The following NOL4L variants were observed in gnomAD, a reference collection of about 807,000 sequenced individuals.
NOL4L encodes nucleolar protein 4-like.
NOL4L carries 7 observed loss-of-function variants against 64.5 expected under a neutral mutation model. The ratio of observed to expected loss-of-function variants is 0.11; its 90% CI spans 0.06 to 0.20. The LOEUF (loss-of-function observed/expected upper bound fraction) is 0.20. NOL4L is among the 10% of genes least tolerant of loss of function. NOL4L has a pLI of 1.00. For missense variants in NOL4L, 680 were observed against 967.1 expected, an observed-to-expected ratio of 0.70 and a Z score of 3.94; for synonymous variants, 413 against 401.0, an observed-to-expected ratio of 1.03 and a Z score of -0.36.
At position 32,446,856 on chromosome 20, in the gene NOL4L, CTT is replaced by C. The variant is rs1491392168; in HGVS notation, c.*738_*739del. ...TCTGTAGAATGGGGTCGGGGTGCCT[CTT>C]TTGTTTTGCTTTGCCATGGGTGTGG... On this transcript the variant is annotated 3_prime_UTR_variant, in exon 11 of 11. Transcript: ENST00000621426. 8 of 226,126 alleles carry C rather than the reference CTT, an allele frequency of 3.5e-5. No homozygotes were observed. The highest frequency in any genetic ancestry group is 1.4e-4 in the African/African-American group (6 of 42,142). The allele number at this position is 226,126 out of a possible 1,614,324, so 14.0% of individuals were successfully genotyped here. A position where few individuals can be genotyped will look rare whatever the true frequency, so the allele number is the denominator to read the frequency against.
chr20:32,478,802 G>C (rs1006162359), intron 4 of NOL4L, among the ~76,000 whole-genome samples: 1 of 152,174 alleles, frequency 6.6e-6, no homozygotes, highest in African/African-American at 2.4e-5. Flanking sequence ...TATCGCCCAG[G>C]CTGGCCTCGA....
At chr20:32,532,823 G>A (rs1341955406) in intron 1 of NOL4L, among the ~76,000 whole-genome samples, 1 of 152,148 alleles carries the variant, frequency 6.6e-6, no homozygotes, top group Non-Finnish European at 1.5e-5. Flanking sequence ...CACCCCATGG[G>A]AAGAACCACG....
chr20:32,453,872 C>G lies in NOL4L; in HGVS notation c.1120-111G>C. The G allele has an allele frequency of 1.1e-6, 1 of 950,078 alleles. No homozygotes were observed. The highest frequency in any genetic ancestry group is 1.6e-6 in the Non-Finnish European group (1 of 634,252). 58.9% of individuals were successfully genotyped at this position (950,078 alleles called of 1,614,324 possible). ...CCAGGGTGGCACGCATGCCCTGCTG[C>G]CACGAGAGCCATAGCTGCGAGGCCC... On this transcript the variant is annotated intron_variant, in intron 6 of 10. Transcript: ENST00000621426. This position sits in a 1 kb window ranked among gnomAD's most constrained non-coding sequence, Gnocchi z 5.6.
In NOL4L at chr20:32,453,492, A is replaced by T; in HGVS notation, c.1309T>A (p.Phe437Ile). 1 of 1,613,830 alleles carries T rather than the reference A, an allele frequency of 6.2e-7. No homozygotes were observed. Among genetic ancestry groups the T allele is most frequent in the Non-Finnish European group, 8.5e-7 (1 of 1,179,812 alleles). Reference sequence around the variant, plus strand: ...TTCTCGTCCACAAAGAGACGCACAAACATCTGTGGAGACACGGGCCATGGG... The same window carrying T: ...TTCTCGTCCACAAAGAGACGCACAATCATCTGTGGAGACACGGGCCATGGG... ...DPERLKAFNM[F>I]VRLFVDENLD... Residue 437 changes from phenylalanine (F) to isoleucine (I), a missense_variant, in exon 8 of 11, where the codon TTT becomes ATT. This residue lies in a region of NOL4L where 70 missense variants were observed against 166.1 expected (regional missense o/e 0.42). Coordinates refer to ENST00000621426, the MANE Select transcript of NOL4L (RefSeq NM_001256798.2). The surrounding 1 kb of genome is among the most constrained non-coding windows in gnomAD (Gnocchi z 5.6).
chr20:32,451,579 G>T (rs910888), intron 10 of NOL4L: 2 of 152,234 alleles, frequency 1.3e-5, no homozygotes, highest in Admixed American at 6.5e-5. Context: ...GTAGCCTGGG[G>T]AGTTACCGGA....
intron 5 of NOL4L, among the ~76,000 whole-genome samples, chr20:32,461,111 A>G (rs2014000509): frequency 6.6e-6 from 1 of 152,236 alleles, no homozygotes; most frequent in African/African-American, 2.4e-5. Context: ...GGGTTGGTCC[A>G]GCCTGTCCCT....
At chr20:32,539,162 C>T (rs2018610858) in intron 1 of NOL4L, among the ~76,000 whole-genome samples, 1 of 152,182 alleles carries the variant, frequency 6.6e-6, no homozygotes, top group Non-Finnish European at 1.5e-5. Context: ...ATGGCTTTCT[C>T]TGCCTGCTCC....
At chr20:32,461,584 G>A (rs1413441193) in intron 5 of NOL4L, among the ~76,000 whole-genome samples, 1 of 150,990 alleles carries the variant, frequency 6.6e-6, no homozygotes, top group Non-Finnish European at 1.5e-5. Flanking sequence ...CACCACGCCT[G>A]GCTAATTTTT....
intron 2 of NOL4L, among the ~76,000 whole-genome samples, chr20:32,526,502 TAAAA>T (rs1173126909): frequency 7.9e-6 from 1 of 127,160 alleles, no homozygotes; most frequent in Non-Finnish European, 1.7e-5. Context: ...ATGGTTGCAT[TAAAA>T]AAAAAAAAAA....
chr20:32,583,944 G>A (rs1980692910), intron 1 of NOL4L, among the ~76,000 whole-genome samples: 1 of 145,920 alleles, frequency 6.9e-6, no homozygotes, highest in East Asian at 2.1e-4. Context: ...ACCCACCCGC[G>A]GGAGGCTGCT....
At chr20:32,488,281 G>A (rs981687679) in intron 4 of NOL4L, among the ~76,000 whole-genome samples, 2 of 152,120 alleles carry the variant, frequency 1.3e-5, no homozygotes, top group Non-Finnish European at 2.9e-5. Context: ...CAGTCTCCAA[G>A]ATGGCCCATG....
chr20:32,580,802 G>A (rs900531116), intron 1 of NOL4L, among the ~76,000 whole-genome samples: 2 of 152,182 alleles, frequency 1.3e-5, no homozygotes, highest in Non-Finnish European at 2.9e-5. Flanking sequence ...ATCTCTCCAC[G>A]GAGACTTGGG....
At chr20:32,454,554 A>G (rs971000757) in intron 6 of NOL4L, among the ~76,000 whole-genome samples, 7 of 151,934 alleles carry the variant, frequency 4.6e-5, no homozygotes, top group African/African-American at 1.7e-4. Context: ...CTTTTCCCCC[A>G]TGCCCCTCCA....
intron 1 of NOL4L, among the ~76,000 whole-genome samples, chr20:32,582,765 C>A (rs1170975985): frequency 6.6e-6 from 1 of 152,216 alleles, no homozygotes; most frequent in Non-Finnish European, 1.5e-5. Context: ...GGGCAAGACC[C>A]AGCCAACCAT....
At chr20:32,558,722 G>T (rs1978815893) in intron 1 of NOL4L, among the ~76,000 whole-genome samples, 1 of 152,234 alleles carries the variant, frequency 6.6e-6, no homozygotes, top group Non-Finnish European at 1.5e-5. Flanking sequence ...TGCTGGGCCT[G>T]GCCGGGCCTT....
At chr20:32,580,284 C>G (rs187899801) in intron 1 of NOL4L, among the ~76,000 whole-genome samples, 26 of 152,264 alleles carry the variant, frequency 1.7e-4, no homozygotes, top group African/African-American at 5.8e-4. Flanking sequence ...AGCCCAGTGA[C>G]AGGCACACAG....
intron 4 of NOL4L, among the ~76,000 whole-genome samples, chr20:32,482,488 T>TC (rs1438761521): frequency 1.3e-5 from 2 of 151,808 alleles, no homozygotes; most frequent in Admixed American, 6.6e-5. Flanking sequence ...CGGATTGCAC[T>TC]CCCCCCTCCT....
intron 1 of NOL4L, among the ~76,000 whole-genome samples, chr20:32,529,526 T>G (rs2018265304): frequency 6.6e-6 from 1 of 152,180 alleles, no homozygotes; most frequent in Non-Finnish European, 1.5e-5. Context: ...CAACACGTTC[T>G]GGCACAGACA....
chr20:32,452,969 G>A lies in NOL4L; in HGVS notation c.1535C>T (p.Ala512Val), dbSNP rs2013081975. The A allele has an allele frequency of 6.2e-7, 1 of 1,613,848 alleles. No homozygotes were observed. Among genetic ancestry groups the A allele is most frequent in the Admixed American group, 1.7e-5 (1 of 60,010 alleles). ...PTPPHLTSAM[A>V]ENILAAACES... ...ACAGGCAGCTGCCAGGATGTTTTCT[G>A]CCATGGCCGAGGTCAGATGGGGTGG... Residue 512 changes from alanine to valine, a missense_variant, in exon 9 of 11, where the codon GCA becomes GTA. By Grantham distance (64) the Ala-to-Val change is moderately conservative. Transcript: ENST00000621426.
Sources: gnomAD v4.1 joint callset for allele counts (sites outside exome capture counted in the v4.1 genomes callset) on GRCh38, gnomAD v4.1.1 for gene constraint, gnomAD v4.1.1 regional missense constraint, Gnocchi (gnomAD v3.1) non-coding constraint, MANE v1.5 for transcripts, NCBI Gene and HGNC (gene_info 2026-07-23, HGNC 2026-07-21) for gene names.